Variants in ARID1B observed in about 807,000 individuals in gnomAD.
ARID1B encodes the protein AT-rich interactive domain-containing protein 1B.
A neutral mutation model predicts 212.3 loss-of-function variants in ARID1B; 30 were observed. The ratio of observed to expected loss-of-function variants is 0.14; its 90% CI spans 0.11 to 0.19. The LOEUF (loss-of-function observed/expected upper bound fraction) is 0.19, where lower values mean the gene tolerates loss of function less well. Among genes scored for constraint, ARID1B ranks in the 10% least tolerant of loss-of-function variants. The probability of loss-of-function intolerance (pLI) is 1.00; values close to 1 mark genes in which losing one functional copy is unlikely to be tolerated. For synonymous variants in ARID1B, 1,402 were observed against 1,301.7 expected (o/e 1.08, Z -1.66); for missense variants, 2,891 against 3,204.0 (o/e 0.90, Z 2.36).
intron 8 of ARID1B, among the ~76,000 whole-genome samples, chr6:157,157,319 C>G (rs1443461904): frequency 6.6e-6 from 1 of 152,194 alleles, no homozygotes; most frequent in East Asian, 1.9e-4. Context: ...TAAAGCGCAC[C>G]CATCACTAGG....
rs942123307 is a variant in ARID1B at position 157,210,420 on chromosome 6, T to C, written c.*2529T>C. On this transcript the variant is annotated 3_prime_UTR_variant, in exon 20 of 20. Transcript: ENST00000636930. ...AATAATTAACAAAAGACTGTTGTTA[T>C]GGTTTGCATTGTAACCGATACGCAG... is the stretch of plus-strand genomic sequence containing the variant. 7 of 231,442 alleles carry C rather than the reference T, an allele frequency of 3.0e-5. No homozygotes were observed. The highest frequency in any genetic ancestry group is 6.1e-5 in the East Asian group (1 of 16,306). 14.3% of individuals were successfully genotyped at this position (231,442 alleles called of 1,614,324 possible).
At chr6:157,006,632 C>T (rs572960586) in intron 4 of ARID1B, among the ~76,000 whole-genome samples, 5 of 152,234 alleles carry the variant, frequency 3.3e-5, no homozygotes, top group African/African-American at 9.6e-5. Flanking sequence ...ATGATGTCAA[C>T]AAGAAATGTG....
chr6:157,055,494 C>T (rs141538454), intron 4 of ARID1B, among the ~76,000 whole-genome samples: 3 of 152,298 alleles, frequency 2.0e-5, no homozygotes, highest in Admixed American at 6.5e-5. Context: ...TAACTGCTCT[C>T]TAGTCCTTAA....
At chr6:156,952,233 A>T (rs1353725595) in intron 4 of ARID1B, among the ~76,000 whole-genome samples, 1 of 152,196 alleles carries the variant, frequency 6.6e-6, no homozygotes, top group East Asian at 1.9e-4. Flanking sequence ...CCTTGGGTTT[A>T]AAGATGAGGG....
At chr6:157,031,652 TAAAG>T (rs999428336) in intron 4 of ARID1B, among the ~76,000 whole-genome samples, 4 of 151,938 alleles carry the variant, frequency 2.6e-5, no homozygotes, top group Non-Finnish European at 4.4e-5. Flanking sequence ...CTGGAAAAAA[TAAAG>T]GAATATTCTT....
chr6:156,881,582 TC>T (rs1462310493), intron 2 of ARID1B, among the ~76,000 whole-genome samples: 1 of 152,208 alleles, frequency 6.6e-6, no homozygotes, highest in Non-Finnish European at 1.5e-5. Context: ...CTGCACGGGT[TC>T]CCATACCTCA....
chr6:157,073,137 C>T (rs1408415377), intron 4 of ARID1B, among the ~76,000 whole-genome samples: 1 of 145,302 alleles, frequency 6.9e-6, no homozygotes, highest in Admixed American at 6.9e-5. Context: ...CAGCCTCACT[C>T]TGTCGCTCTG....
intron 1 of ARID1B, among the ~76,000 whole-genome samples, chr6:156,791,602 A>C (rs1455826901): frequency 6.6e-6 from 1 of 152,208 alleles, no homozygotes; most frequent in Non-Finnish European, 1.5e-5. Flanking sequence ...TCCACTGGGA[A>C]TTTGACGGCC....
intron 5 of ARID1B, 101 bp from the exon 6 acceptor site, chr6:157,110,371 G>A: frequency 1.0e-6 from 1 of 981,322 alleles, no homozygotes; most frequent in Admixed American, 1.9e-5. Flanking sequence ...TATACCTTTT[G>A]TGATCATAAA....
chr6:157,029,372 T>A (rs1213946026), intron 4 of ARID1B, among the ~76,000 whole-genome samples: 1 of 152,252 alleles, frequency 6.6e-6, no homozygotes, highest in African/African-American at 2.4e-5. Context: ...GTATTTATAT[T>A]TTTATTGTTT....
intron 4 of ARID1B, among the ~76,000 whole-genome samples, chr6:157,078,072 G>A (rs1399241758): frequency 6.6e-6 from 1 of 152,216 alleles, no homozygotes; most frequent in Non-Finnish European, 1.5e-5. Context: ...CATGGGGCTT[G>A]ACTTGTGGGT....
intron 5 of ARID1B, among the ~76,000 whole-genome samples, chr6:157,099,475 C>T (rs541783729): frequency 1.2e-4 from 18 of 151,744 alleles, no homozygotes; most frequent in Non-Finnish European, 1.8e-4. Flanking sequence ...TACCCTCGCA[C>T]CTGTCACAGA....
At chr6:156,873,832 C>T (rs1786333241) in intron 2 of ARID1B, among the ~76,000 whole-genome samples, 1 of 152,224 alleles carries the variant, frequency 6.6e-6, no homozygotes, top group Non-Finnish European at 1.5e-5. Flanking sequence ...AGGCTCTCTC[C>T]TGGATCTGTG....
chr6:157,192,116 G>C (rs751074758), intron 15 of ARID1B, among the ~76,000 whole-genome samples: 2 of 152,156 alleles, frequency 1.3e-5, no homozygotes, highest in African/African-American at 2.4e-5. Context: ...AGGACATGCA[G>C]TAAATCCATA....
intron 2 of ARID1B, among the ~76,000 whole-genome samples, chr6:156,874,345 G>A (rs1194457587): frequency 1.3e-5 from 2 of 152,198 alleles, no homozygotes; most frequent in Non-Finnish European, 2.9e-5. Flanking sequence ...TGGGATTACA[G>A]GTGTGAGCCA....
intron 1 of ARID1B, among the ~76,000 whole-genome samples, chr6:156,827,784 G>GA (rs1782851303): frequency 3.7e-5 from 1 of 27,082 alleles, no homozygotes; most frequent in Non-Finnish European, 7.9e-5. Flanking sequence ...TTTTTTTTTT[G>GA]AGATGGAGTC....
chr6:156,952,979 A>G (rs1045188953), intron 4 of ARID1B, among the ~76,000 whole-genome samples: 10 of 152,216 alleles, frequency 6.6e-5, no homozygotes, highest in African/African-American at 2.4e-4. Context: ...ACCTCTGGGA[A>G]AATTACTAGC....
intron 1 of ARID1B, among the ~76,000 whole-genome samples, chr6:156,810,471 A>G (rs1390282061): frequency 6.6e-6 from 1 of 152,172 alleles, no homozygotes; most frequent in Non-Finnish European, 1.5e-5. Flanking sequence ...CTTCCTTGTA[A>G]AGCGAGAGGG....
At chr6:156,845,195 T>G (rs1046059738) in intron 2 of ARID1B, among the ~76,000 whole-genome samples, 1 of 152,206 alleles carries the variant, frequency 6.6e-6, no homozygotes, top group Admixed American at 6.5e-5. Context: ...GTTCTTTAAA[T>G]TTTGTGTGGC....
Sources: gnomAD v4.1 joint callset for allele counts (sites outside exome capture counted in the v4.1 genomes callset) on GRCh38, gnomAD v4.1.1 for gene constraint, MANE v1.5 for transcripts, NCBI Gene and HGNC (gene_info 2026-07-23, HGNC 2026-07-21) for gene names.